The following KAZN variants were observed in gnomAD, a reference collection of about 807,000 sequenced individuals.
The protein encoded by KAZN is kazrin, periplakin interacting protein.
Under a neutral mutation model 87.4 loss-of-function variants are expected in KAZN, and 40 were observed. The observed-to-expected ratio is 0.46, with a 90% CI of 0.36 to 0.60. KAZN has a LOEUF of 0.60. Ranked by LOEUF, KAZN falls within the 20% of genes least tolerant of loss-of-function variation. KAZN has a pLI of 0.00. For synonymous variants in KAZN, 466 were observed against 458.3 expected (o/e 1.02, Z -0.22); for missense variants, 898 against 1,073.9 (o/e 0.84, Z 2.29).
intron 2 of KAZN, among the ~76,000 whole-genome samples, chr1:14,992,730 A>G (rs1667470844): frequency 1.3e-5 from 2 of 151,984 alleles, no homozygotes; most frequent in South Asian, 4.2e-4. Context: ...TGCAACCTCC[A>G]TGTCCCGGGT....
chr1:14,957,333 G>A (rs777123876), intron 1 of KAZN, among the ~76,000 whole-genome samples: 9 of 152,222 alleles, frequency 5.9e-5, no homozygotes, highest in Non-Finnish European at 1.2e-4. Context: ...CAGTGCCCCC[G>A]TGCCTAGAGC....
At chr1:14,645,549 G>C (rs934364165) in intron 1 of KAZN, among the ~76,000 whole-genome samples, 9 of 152,026 alleles carry the variant, frequency 5.9e-5, no homozygotes, top group Admixed American at 5.9e-4. Flanking sequence ...TCTTGCCTTG[G>C]CTATTGTTGG....
chr1:14,395,334 C>T (rs979776733), intron 2 of KAZN, among the ~76,000 whole-genome samples: 3 of 152,102 alleles, frequency 2.0e-5, no homozygotes, highest in Admixed American at 6.6e-5. Flanking sequence ...ATTCTGCTTT[C>T]CACCTCCACT....
Position 14,773,010 on chromosome 1 carries a change from G to C in KAZN, c.226+173787G>C, listed in dbSNP as rs1469692173. Among the ~76,000 whole-genome samples the C allele has an allele frequency of 6.6e-6, 1 of 152,046 alleles. No homozygotes were observed. The highest frequency in any genetic ancestry group is 2.1e-4 in the South Asian group (1 of 4,818). On this transcript the variant is annotated intron_variant, in intron 1 of 14. Coordinates refer to ENST00000376030, the MANE Select transcript of KAZN (RefSeq NM_201628.3). This position sits in a 1 kb window ranked among gnomAD's most constrained non-coding sequence, Gnocchi z 5.9. ...TGGTTCCCCACCAGCCAAGAGAATG[G>C]TATGAATGTCCACAGGCGGCCTCTT...
chr1:14,150,981 C>CAT (rs397773813), intron 1 of KAZN, among the ~76,000 whole-genome samples: 2 of 152,012 alleles, frequency 1.3e-5, no homozygotes, highest in Admixed American at 1.3e-4. Context: ...CACACACACA[C>CAT]GTGTGGGTGT....
intron 1 of KAZN, among the ~76,000 whole-genome samples, chr1:14,836,144 G>T (rs78437744): frequency 6.6e-6 from 1 of 152,130 alleles, no homozygotes; most frequent in Admixed American, 6.5e-5. Context: ...TGAGAGAAGA[G>T]GGGACAGAAG....
intron 2 of KAZN, among the ~76,000 whole-genome samples, chr1:14,310,279 G>A (rs973161766): frequency 1.3e-5 from 2 of 152,100 alleles, no homozygotes; most frequent in Non-Finnish European, 2.9e-5. Context: ...TGGAAGATAC[G>A]GTTGGAGCCA....
At chr1:14,020,683 C>G (rs6663346) in intron 1 of KAZN, among the ~76,000 whole-genome samples, 3,478 of 152,304 alleles carry the variant, frequency 0.023, 130 homozygotes, top group African/African-American at 0.078. Flanking sequence ...TGCTGTGTCT[C>G]TCCTTCCTAA....
intron 2 of KAZN, among the ~76,000 whole-genome samples, chr1:14,319,294 G>T (rs1655887168): frequency 6.6e-6 from 1 of 151,920 alleles, no homozygotes; most frequent in Non-Finnish European, 1.5e-5. Context: ...GCCTTTCTAG[G>T]GTTTCTAGTG....
At chr1:15,047,780 A>G (rs961588020) in intron 4 of KAZN, among the ~76,000 whole-genome samples, 33 of 152,020 alleles carry the variant, frequency 2.2e-4, no homozygotes, top group Non-Finnish European at 4.0e-4. Context: ...CAAAAAAAAA[A>G]GAAGCCCCCC....
At chr1:15,107,030 A>G (rs999702956) in intron 13 of KAZN, among the ~76,000 whole-genome samples, 2 of 152,228 alleles carry the variant, frequency 1.3e-5, no homozygotes, top group Non-Finnish European at 2.9e-5. Context: ...AGTCAGGGAC[A>G]GGACACACAA....
chr1:14,458,994 G>A (rs928359942), intron 2 of KAZN, among the ~76,000 whole-genome samples: 6 of 152,118 alleles, frequency 3.9e-5, no homozygotes, highest in African/African-American at 1.4e-4. Flanking sequence ...GGAAGCTATG[G>A]CAACCCTTGT....
At chr1:14,206,744 G>T (rs1646754183) in intron 2 of KAZN, among the ~76,000 whole-genome samples, 1 of 141,280 alleles carries the variant, frequency 7.1e-6, no homozygotes. Context: ...AAGCACTCGT[G>T]AGCATTTTCC....
intron 4 of KAZN, among the ~76,000 whole-genome samples, chr1:15,047,597 C>G (rs1248734663): frequency 6.6e-6 from 1 of 152,138 alleles, no homozygotes; most frequent in East Asian, 1.9e-4. Context: ...ATGGCGAAAC[C>G]CTGATTCAAC....
rs554490745 is a variant in KAZN at position 15,101,612 on chromosome 1, C to T, written c.1617C>T (p.Ser539=). The T allele has an allele frequency of 1.3e-6, 2 of 1,557,380 alleles. No individual in the cohort carries two copies. Among genetic ancestry groups the T allele is most frequent in the Admixed American group, 1.9e-5 (1 of 51,722 alleles). ...CCTGGCTGAATGACATTGGCCTGTC[C>T]CAGTACTCCCAGGCCTTTCAGAACC... The part of the protein sequence containing the change: ...AKAWLNDIGL[S]QYSQAFQNHL... The change falls in exon 11 of 15, where the codon TCC becomes TCT. Residue 539 remains serine (S), a synonymous_variant. Coordinates refer to ENST00000376030, the MANE Select transcript of KAZN (RefSeq NM_201628.3).
chr1:14,790,709 G>A lies in KAZN; in HGVS notation c.227-169975G>A, dbSNP rs989113487. ...AGGTCTCCTAGAATTGGAGGAATCC[G>A]GTGACTTCTTTTTTTGTTCTGTTGC... On this transcript the variant is annotated intron_variant, in intron 1 of 14. Coordinates refer to ENST00000376030, the MANE Select transcript of KAZN (RefSeq NM_201628.3). Among the ~76,000 whole-genome samples the A allele has an allele frequency of 4.6e-5, 7 of 152,142 alleles. No homozygotes were observed. The East Asian group carries it at 1.2e-3, about 25-fold the overall frequency.
chr1:14,383,340 T>C (rs999511666), intron 2 of KAZN, among the ~76,000 whole-genome samples: 7 of 151,186 alleles, frequency 4.6e-5, no homozygotes, highest in Non-Finnish European at 7.4e-5. Context: ...TTTGTCAATT[T>C]TGTCTTTTGT....
chr1:14,897,610 G>T (rs561576839), intron 1 of KAZN, among the ~76,000 whole-genome samples: 1 of 120,272 alleles, frequency 8.3e-6, no homozygotes, highest in African/African-American at 2.7e-5. Flanking sequence ...GAATAATAAT[G>T]ATACTTTCCA....
At chr1:14,047,654 G>A (rs1480017644) in intron 1 of KAZN, among the ~76,000 whole-genome samples, 1 of 152,146 alleles carries the variant, frequency 6.6e-6, no homozygotes, top group East Asian at 1.9e-4. Context: ...GACCACTTGA[G>A]GTCAGGAGCT....
Sources: gnomAD v4.1 joint callset for allele counts (sites outside exome capture counted in the v4.1 genomes callset) on GRCh38, gnomAD v4.1.1 for gene constraint, Gnocchi (gnomAD v3.1) non-coding constraint, MANE v1.5 for transcripts, NCBI Gene and HGNC (gene_info 2026-07-23, HGNC 2026-07-21) for gene names.